Variants in COL6A5 observed in about 807,000 individuals in gnomAD.
COL6A5 encodes collagen alpha-5(VI) chain.
Under a neutral mutation model 65.6 loss-of-function variants are expected in COL6A5, and 48 were observed. That is an observed-to-expected ratio of 0.73 (90% confidence interval 0.58 to 0.93). The LOEUF (loss-of-function observed/expected upper bound fraction) is 0.93. Ranked by LOEUF, COL6A5 falls within the 40% of genes least tolerant of loss-of-function variation. The pLI is 0.00. For synonymous variants in COL6A5, 291 were observed against 322.8 expected, an observed-to-expected ratio of 0.90 and a Z score of 1.05; for missense variants, 914 against 928.3, an observed-to-expected ratio of 0.98 and a Z score of 0.20.
intron 4 of COL6A5, among the ~76,000 whole-genome samples, chr3:130,450,396 CA>C (rs1284555254): frequency 6.6e-6 from 1 of 152,124 alleles, no homozygotes; most frequent in Non-Finnish European, 1.5e-5. Flanking sequence ...AAGTTTTCAA[CA>C]GTGCAATTTT....
chr3:130,464,143 C>T (rs892331848), intron 5 of COL6A5, among the ~76,000 whole-genome samples: 11 of 151,876 alleles, frequency 7.2e-5, no homozygotes, highest in African/African-American at 2.7e-4. Flanking sequence ...CTTTTTCATT[C>T]TTTTTAGAGA....
intron 10 of COL6A5, among the ~76,000 whole-genome samples, chr3:130,400,815 T>A (rs1338782893): frequency 6.6e-6 from 1 of 152,250 alleles, no homozygotes; most frequent in Non-Finnish European, 1.5e-5. Context: ...GGGGATTTCA[T>A]GCGACGGTCA....
chr3:130,448,356 A>T (rs1709353347), intron 4 of COL6A5, among the ~76,000 whole-genome samples: 1 of 152,138 alleles, frequency 6.6e-6, no homozygotes, highest in Non-Finnish European at 1.5e-5. Context: ...GGGGCTGCGG[A>T]GGTCGGAATC....
intron 1 of COL6A5, among the ~76,000 whole-genome samples, chr3:130,435,297 A>G (rs1937993816): frequency 6.6e-6 from 1 of 152,108 alleles, no homozygotes; most frequent in South Asian, 2.1e-4. Flanking sequence ...CCATTGAGCT[A>G]TATGTCTGTT....
chr3:130,375,183 C>A (rs1935719112), intron 2 of COL6A5, among the ~76,000 whole-genome samples: 1 of 152,202 alleles, frequency 6.6e-6, no homozygotes, highest in Non-Finnish European at 1.5e-5. Flanking sequence ...ATATTGCTGG[C>A]AACAGCTCAT....
chr3:130,405,921 C>T, intron 14 of COL6A5, 72 bp from the exon 15 acceptor site: 2 of 1,428,926 alleles, frequency 1.4e-6, no homozygotes, highest in Non-Finnish European at 1.9e-6. Flanking sequence ...TGCTCACTCA[C>T]TTTAGAGAGG....
chr3:130,413,694 C>G, intron 21 of COL6A5, 114 bp downstream of exon 21: 1 of 1,079,594 alleles, frequency 9.3e-7, no homozygotes, highest in Non-Finnish European at 1.4e-6. Context: ...ATAGGAAGTG[C>G]CCAGTACTGG....
At chr3:130,448,010 G>A (rs537597053) in intron 4 of COL6A5, among the ~76,000 whole-genome samples, 6 of 152,224 alleles carry the variant, frequency 3.9e-5, no homozygotes, top group South Asian at 4.2e-4. Context: ...GCCACAGTAC[G>A]GAATGTTGAA....
In COL6A5 at chr3:130,405,651, G is replaced by C. The variant is rs535294106; in HGVS notation, c.4345G>C (p.Gly1449Arg). ...GATTGCAGGATGTCCAGGGGCGTGG[G>C]GTCAGAAGGTAAGGCTCTTCTGTAA... The change falls in exon 14 of 42, where the codon GGT (glycine) becomes CGT (arginine). Residue 1449 changes from glycine to arginine, a missense_variant and NMD_transcript_variant. Coordinates refer to the COL6A5 transcript ENST00000312481. The C allele has an allele frequency of 1.9e-5, 30 of 1,548,790 alleles. No homozygotes were observed. Among genetic ancestry groups the C allele is most frequent in the African/African-American group, 2.7e-5 (2 of 72,896 alleles).
chr3:130,444,764 C>T (rs1709268363), intron 4 of COL6A5, among the ~76,000 whole-genome samples: 1 of 152,116 alleles, frequency 6.6e-6, no homozygotes, highest in Non-Finnish European at 1.5e-5. Flanking sequence ...TTTTCTGCCA[C>T]CTGATCTAAC....
At chr3:130,384,663 T>C (rs1936116427) in intron 4 of COL6A5, 141 bp from the exon 5 acceptor site, 2 of 634,898 alleles carry the variant, frequency 3.2e-6, no homozygotes, top group Non-Finnish European at 5.3e-6. Context: ...GGCATGACTG[T>C]GCTTAATGAA....
chr3:130,455,601 C>T, exon 5 of COL6A5: 1 of 1,613,040 alleles, frequency 6.2e-7, no homozygotes, highest in Non-Finnish European at 8.5e-7. Flanking sequence ...ATGTTTGAGC[C>T]ACAAAAATTA....
At chr3:130,471,065 T>G in intron 7 of COL6A5, 98 bp downstream of exon 39, 1 of 768,488 alleles carries the variant, frequency 1.3e-6, no homozygotes, top group Non-Finnish European at 2.2e-6. Flanking sequence ...AAGATCCAAG[T>G]GTGTGTTTTT....
chr3:130,389,221 C>T (rs1936309835), intron 6 of COL6A5, 87 bp downstream of exon 6: 2 of 825,432 alleles, frequency 2.4e-6, no homozygotes, highest in Admixed American at 3.7e-5. Flanking sequence ...CTGGCCCTGA[C>T]CTCCACCTGG....
chr3:130,464,850 T>G (rs1709777022), intron 5 of COL6A5, among the ~76,000 whole-genome samples: 1 of 152,078 alleles, frequency 6.6e-6, no homozygotes, highest in Non-Finnish European at 1.5e-5. Context: ...TATAAATGTA[T>G]GTATTGATAA....
At chr3:130,436,708 G>A (rs1709043707) in intron 1 of COL6A5, among the ~76,000 whole-genome samples, 2 of 152,006 alleles carry the variant, frequency 1.3e-5, no homozygotes, top group South Asian at 4.2e-4. Context: ...CTGACTTTTA[G>A]TATACCTCAT....
chr3:130,399,458 C>T (rs1291415473), intron 10 of COL6A5, among the ~76,000 whole-genome samples: 2 of 151,752 alleles, frequency 1.3e-5, no homozygotes, highest in East Asian at 3.9e-4. Context: ...GCAAACTCCG[C>T]CTCCCAGGTT....
intron 1 of COL6A5, among the ~76,000 whole-genome samples, chr3:130,432,993 T>C (rs1937884653): frequency 6.6e-6 from 1 of 152,150 alleles, no homozygotes; most frequent in Admixed American, 6.5e-5. Flanking sequence ...TGTAAAGCCA[T>C]CATGTCCTTC....
chr3:130,404,199 G>A lies in COL6A5; in HGVS notation c.4281+537G>A, dbSNP rs571619079. On this transcript the variant is annotated intron_variant and NMD_transcript_variant, in intron 13 of 41. Transcript: ENST00000312481. ...GGTCAAATGCTACACAGAGGTTTGC[G>A]AATCTCTGTGTTTGAAACCAGAACT... 1.1e-4 allele frequency among the ~76,000 whole-genome samples: 17 copies of A among 152,264 alleles called. 1 individual carries two copies. In the South Asian group the frequency reaches 2.9e-3, roughly 26 times the overall value.
Sources: allele counts gnomAD v4.1 joint callset (sites outside exome capture counted in the v4.1 genomes callset), GRCh38; gene constraint gnomAD v4.1.1; transcripts MANE v1.5; gene names NCBI Gene and HGNC (gene_info 2026-07-23, HGNC 2026-07-21).